Variants in MFF observed in about 807,000 individuals in gnomAD.
MFF encodes chromosome 2 open reading frame 33.
MFF carries 12 observed loss-of-function variants against 36.9 expected under a neutral mutation model. The ratio of observed to expected loss-of-function variants is 0.33; its 90% CI spans 0.21 to 0.53. The LOEUF is 0.53. Ranked by LOEUF, MFF falls within the 20% of genes least tolerant of loss-of-function variation. MFF has a pLI of 0.95. For missense variants in MFF, 348 were observed against 366.6 expected (o/e 0.95, Z 0.42); for synonymous variants, 99 against 126.2 (o/e 0.78, Z 1.44).
chr2:227,353,344 A>G (rs1055057816), intron 7 of MFF, among the ~76,000 whole-genome samples: 1 of 152,200 alleles, frequency 6.6e-6, no homozygotes, highest in Non-Finnish European at 1.5e-5. Flanking sequence ...TTTAAGCAGA[A>G]ATATATTGTC....
intron 6 of MFF, among the ~76,000 whole-genome samples, chr2:227,348,417 G>A (rs1473332992): frequency 6.6e-6 from 1 of 152,098 alleles, no homozygotes; most frequent in African/African-American, 2.4e-5. Flanking sequence ...TTGACCTAGT[G>A]CTATGCATTT....
intron 4 of MFF, among the ~76,000 whole-genome samples, chr2:227,340,000 T>C (rs959134020): frequency 6.6e-6 from 1 of 152,226 alleles, no homozygotes; most frequent in Non-Finnish European, 1.5e-5. Flanking sequence ...AAATAATAAT[T>C]GTACCAAGTA....
chr2:227,341,172 A>G lies in MFF; in HGVS notation c.440+792A>G, dbSNP rs370401566. Among the ~76,000 whole-genome samples the G allele has an allele frequency of 2.1e-4, 32 of 152,266 alleles. No homozygotes were observed. In the East Asian group the frequency reaches 4.8e-3, roughly 23 times the overall value. ...TTTATTTACAAAATAACTAGAGGAC[A>G]ATACAGTGATTTATATTACAGCATA... On this transcript the variant is annotated intron_variant, in intron 5 of 8. Transcript: ENST00000304593.
chr2:227,345,480 G>C (rs1331837147), intron 5 of MFF, among the ~76,000 whole-genome samples: 2 of 152,200 alleles, frequency 1.3e-5, no homozygotes, highest in Non-Finnish European at 2.9e-5. Flanking sequence ...TTTAAAACTT[G>C]CTTGAGTGAA....
chr2:227,329,664 G>A (rs2074424627), intron 2 of MFF: 2 of 1,000,748 alleles, frequency 2.0e-6, no homozygotes, highest in Admixed American at 3.6e-5. Context: ...AAATGTGTAG[G>A]GGAATTGTTG....
chr2:227,332,207 C>T (rs996842798), intron 3 of MFF, among the ~76,000 whole-genome samples: 2 of 151,510 alleles, frequency 1.3e-5, no homozygotes, highest in East Asian at 1.9e-4. Flanking sequence ...CTCTTGACCT[C>T]GTGATCCGCC....
chr2:227,354,502 A>T (rs1388791956), intron 7 of MFF, among the ~76,000 whole-genome samples: 1 of 152,224 alleles, frequency 6.6e-6, no homozygotes, highest in African/African-American at 2.4e-5. Flanking sequence ...GGTATAAAAT[A>T]CATGTGAGGT....
intron 1 of MFF, among the ~76,000 whole-genome samples, chr2:227,326,650 C>T (rs2074166654): frequency 6.6e-6 from 1 of 152,052 alleles, no homozygotes; most frequent in South Asian, 2.1e-4. Context: ...TTTTAAAGTT[C>T]ATTAATATAT....
intron 5 of MFF, chr2:227,342,699 T>C (rs1196956555): frequency 2.7e-6 from 4 of 1,469,142 alleles, no homozygotes; most frequent in Non-Finnish European, 3.8e-6. Flanking sequence ...TTTTTCTTTG[T>C]GTTATAAAAG....
intron 6 of MFF, 69 bp downstream of exon 6, chr2:227,347,453 G>T: frequency 7.6e-7 from 1 of 1,320,568 alleles, no homozygotes; most frequent in East Asian, 2.3e-5. Flanking sequence ...AGTGGACTGT[G>T]GTGTCTTTCT....
At chr2:227,340,267 C>G in intron 4 of MFF, 25 bp from the exon 5 acceptor site, 2 of 1,578,048 alleles carry the variant, frequency 1.3e-6, no homozygotes, top group East Asian at 4.5e-5. Flanking sequence ...TTTCTATTTC[C>G]TTCCCTCTCT....
In MFF at chr2:227,342,816, A is replaced by G; in HGVS notation, c.440+2436A>G. On this transcript the variant is annotated intron_variant, in intron 5 of 8. Coordinates refer to ENST00000304593, the MANE Select transcript of MFF (RefSeq NM_001277062.2). ...CAGGCACCGATTTCTGCACCGGAGTACACGTAAGATTTTATCTGCTCTGCT... is the reference window on the plus strand; with the variant it reads ...CAGGCACCGATTTCTGCACCGGAGTGCACGTAAGATTTTATCTGCTCTGCT... The G allele has an allele frequency of 6.2e-7, 1 of 1,613,220 alleles. No individual in the cohort carries two copies. The highest frequency in any genetic ancestry group is 8.5e-7 in the Non-Finnish European group (1 of 1,179,274).
chr2:227,357,236 A>AT lies in MFF; in HGVS notation c.*122dup. The stretch of plus-strand genomic sequence containing the variant: ...TTTATAGTCCACACCCTGAAAATGT[A>AT]TTTCTTCCAGAAAGTCTGGAGGAAG... On this transcript the variant is annotated 3_prime_UTR_variant, in exon 9 of 9. Transcript: ENST00000304593. 1 of 1,123,202 alleles carries AT rather than the reference A, an allele frequency of 8.9e-7. No individual in the cohort carries two copies. Among genetic ancestry groups the AT allele is most frequent in the South Asian group, 1.6e-5 (1 of 62,768 alleles). 69.6% of individuals were successfully genotyped at this position (1,123,202 alleles called of 1,614,324 possible).
chr2:227,342,819 C>T (rs201492539), intron 5 of MFF: 50 of 1,612,386 alleles, frequency 3.1e-5, no homozygotes, highest in African/African-American at 2.3e-4. Flanking sequence ...CCGGAGTACA[C>T]GTAAGATTTT....
chr2:227,345,966 A>T (rs554380730), intron 5 of MFF, among the ~76,000 whole-genome samples: 114 of 152,260 alleles, frequency 7.5e-4, no homozygotes, highest in African/African-American at 2.6e-3. Context: ...TTTGAAAAAC[A>T]TGGTTTTCAT....
intron 4 of MFF, among the ~76,000 whole-genome samples, chr2:227,335,026 G>C (rs1296341972): frequency 1.3e-5 from 2 of 151,922 alleles, no homozygotes; most frequent in Admixed American, 6.6e-5. Context: ...AAAATTAGCT[G>C]GGCATGGTGG....
At chr2:227,341,848 T>C (rs1444337503) in intron 5 of MFF, among the ~76,000 whole-genome samples, 1 of 152,144 alleles carries the variant, frequency 6.6e-6, no homozygotes, top group Non-Finnish European at 1.5e-5. Flanking sequence ...TTTGACATTT[T>C]ATATTAATAA....
chr2:227,342,153 G>A (rs1302682986), intron 5 of MFF, among the ~76,000 whole-genome samples: 2 of 151,304 alleles, frequency 1.3e-5, no homozygotes, highest in Non-Finnish European at 2.9e-5. Context: ...TCTCATTTTT[G>A]ATAGTAAAAG....
At chr2:227,336,519 T>A (rs2075016056) in intron 4 of MFF, among the ~76,000 whole-genome samples, 1 of 152,170 alleles carries the variant, frequency 6.6e-6, no homozygotes, top group South Asian at 2.1e-4. Context: ...TGACCTGATT[T>A]TGGAGGAGAA....
Sources: gnomAD v4.1 joint callset for allele counts (sites outside exome capture counted in the v4.1 genomes callset) on GRCh38, gnomAD v4.1.1 for gene constraint, MANE v1.5 for transcripts, NCBI Gene and HGNC (gene_info 2026-07-23, HGNC 2026-07-21) for gene names.